Variants in BICRAL observed in about 807,000 individuals in gnomAD.
BICRAL encodes BICRA like chromatin remodeling complex associated protein, also known as BRD4-interacting chromatin-remodeling complex-associated protein-like.
Under a neutral mutation model 91.8 loss-of-function variants are expected in BICRAL, and 8 were observed. The observed-to-expected ratio is 0.09, with a 90% CI of 0.05 to 0.16. The LOEUF (loss-of-function observed/expected upper bound fraction) is 0.16. BICRAL is among the 10% of genes least tolerant of loss of function. BICRAL has a pLI of 1.00. For missense variants in BICRAL, 1,038 were observed against 1,310.9 expected (o/e 0.79, Z 3.21); for synonymous variants, 445 against 491.1 (o/e 0.91, Z 1.24).
intron 1 of BICRAL, among the ~76,000 whole-genome samples, chr6:42,790,031 CTG>C (rs1386609014): frequency 8.8e-6 from 1 of 113,486 alleles, no homozygotes; most frequent in Non-Finnish European, 1.7e-5. Flanking sequence ...GTAGAGGGAT[CTG>C]TGAGAAAAAG....
chr6:42,828,264 G>A (rs1384695681), intron 5 of BICRAL, among the ~76,000 whole-genome samples: 3 of 151,948 alleles, frequency 2.0e-5, no homozygotes, highest in African/African-American at 2.4e-5. Flanking sequence ...AGCTGGGCGC[G>A]GTGGCAGGCG....
upstream of BICRAL, among the ~76,000 whole-genome samples, chr6:42,746,772 C>CA (rs1582793346): frequency 1.3e-5 from 2 of 152,072 alleles, no homozygotes; most frequent in African/African-American, 4.8e-5. Context: ...TGGATCCCCG[C>CA]AGGCAGTTAC....
chr6:42,748,053 C>G (rs1039608958), intron 1 of BICRAL, among the ~76,000 whole-genome samples: 1 of 151,062 alleles, frequency 6.6e-6, no homozygotes, highest in African/African-American at 2.4e-5. Context: ...ATGCGCCCGC[C>G]TCGGCCTCCC....
At chr6:42,758,699 G>A (rs1305496016) in intron 1 of BICRAL, among the ~76,000 whole-genome samples, 1 of 147,290 alleles carries the variant, frequency 6.8e-6, no homozygotes, top group Non-Finnish European at 1.5e-5. Flanking sequence ...CCTTATGATG[G>A]AGTCGGGGGG....
intron 2 of BICRAL, among the ~76,000 whole-genome samples, chr6:42,818,316 T>C (rs1370978569): frequency 6.8e-6 from 1 of 147,032 alleles, no homozygotes; most frequent in Admixed American, 6.7e-5. Flanking sequence ...TGATTGCTCA[T>C]AAACTGATTA....
chr6:42,850,501 C>T (rs1227772632), intron 6 of BICRAL, among the ~76,000 whole-genome samples: 3 of 149,524 alleles, frequency 2.0e-5, no homozygotes, highest in South Asian at 2.1e-4. Context: ...GCCTGGGCAA[C>T]GGAGCACGAC....
intron 6 of BICRAL, among the ~76,000 whole-genome samples, chr6:42,845,176 T>TAG (rs1454508418): frequency 6.9e-6 from 1 of 145,158 alleles, no homozygotes; most frequent in Non-Finnish European, 1.5e-5. Flanking sequence ...CTGCCTTCTC[T>TAG]GTTTTTTGTT....
intron 1 of BICRAL, among the ~76,000 whole-genome samples, chr6:42,787,225 G>T (rs1221546344): frequency 1.3e-5 from 2 of 152,290 alleles, no homozygotes; most frequent in East Asian, 3.9e-4. Context: ...CAGGTTGCAG[G>T]CTCCAGCCTT....
chr6:42,788,883 G>A (rs1763184394), intron 1 of BICRAL, among the ~76,000 whole-genome samples: 1 of 152,052 alleles, frequency 6.6e-6, no homozygotes, highest in South Asian at 2.1e-4. Flanking sequence ...AGCTGAGTTA[G>A]TTGTGTGATT....
chr6:42,803,165 T>C (rs554355181), intron 1 of BICRAL, among the ~76,000 whole-genome samples: 1 of 152,316 alleles, frequency 6.6e-6, no homozygotes, highest in Non-Finnish European at 1.5e-5. Flanking sequence ...GTGCTAAATG[T>C]TTGGAGACTT....
In BICRAL at chr6:42,865,199, A is replaced by G. The variant is rs747534962; in HGVS notation, c.2993A>G (p.Gln998Arg). The change falls in exon 13 of 13, where the codon CAG becomes CGG. Residue 998 changes from glutamine to arginine, a missense_variant. By Grantham distance (43) the Gln-to-Arg change is conservative. This residue lies in a region of BICRAL where 92 missense variants were observed against 147.8 expected (regional missense o/e 0.62). Transcript: ENST00000314073. ...ATCATGAAAGGGTCAGGCGAACCCC[A>G]GCCAGATCTCCAGCTGACAAAGAGC... The part of the protein sequence containing the change: ...TDIMKGSGEP[Q>R]PDLQLTKSLE... 1.4e-5 allele frequency: 22 copies of G among 1,614,216 alleles called. No homozygotes were observed. The highest frequency in any genetic ancestry group is 1.8e-5 in the Non-Finnish European group (21 of 1,180,018).
intron 9 of BICRAL, 101 bp downstream of exon 9, chr6:42,856,018 A>C: frequency 1.0e-6 from 1 of 955,202 alleles, no homozygotes; most frequent in South Asian, 1.4e-5. Context: ...TAATGAGTAT[A>C]TTAGCCTTTT....
At chr6:42,862,741 G>T in intron 12 of BICRAL, 129 bp downstream of exon 12, 1 of 648,394 alleles carries the variant, frequency 1.5e-6, no homozygotes, top group Middle Eastern at 3.0e-4. Context: ...GGGAGAGCTG[G>T]GCACGGTGGC....
intron 6 of BICRAL, among the ~76,000 whole-genome samples, chr6:42,840,144 T>G (rs1764741850): frequency 6.6e-6 from 1 of 152,222 alleles, no homozygotes; most frequent in Non-Finnish European, 1.5e-5. Context: ...CAAGTGATTC[T>G]CCCACCTCAG....
At position 42,865,107 on chromosome 6, in the gene BICRAL, G is replaced by A. The variant is rs1219253771; in HGVS notation, c.2901G>A (p.Thr967=). ...SILADSHLEM[T]CNNSFQDKSL... ...TAGCAGATTCGCACTTGGAGATGACGTGTAACAATTCCTTCCAGGACAAAA... is the reference window on the plus strand; with the variant it reads ...TAGCAGATTCGCACTTGGAGATGACATGTAACAATTCCTTCCAGGACAAAA... Residue 967 remains threonine (T), a synonymous_variant, in exon 13 of 13, where the codon ACG becomes ACA. Transcript: ENST00000314073. 1.2e-6 allele frequency: 2 copies of A among 1,614,118 alleles called. No individual in the cohort carries two copies. Among genetic ancestry groups the A allele is most frequent in the South Asian group, 1.1e-5 (1 of 91,076 alleles).
chr6:42,829,044 A>G lies in BICRAL; in HGVS notation c.711A>G (p.Ile237Met), dbSNP rs1764388651. The G allele has an allele frequency of 6.2e-7, 1 of 1,614,160 alleles. No individual in the cohort carries two copies. Among genetic ancestry groups the G allele is most frequent in the Non-Finnish European group, 8.5e-7 (1 of 1,179,982 alleles). The change falls in exon 6 of 13, where the codon ATA (isoleucine) becomes ATG (methionine). Residue 237 changes from isoleucine to methionine, a missense_variant. Transcript: ENST00000314073. ...ATAACCTAGATGGATCTCAAATCATATTAAAGGGCAGCGGGCAGCAAGCCC... is the reference window on the plus strand; with the variant it reads ...ATAACCTAGATGGATCTCAAATCATGTTAAAGGGCAGCGGGCAGCAAGCCC... ...TINNLDGSQI[I>M]LKGSGQQAPS...
intron 8 of BICRAL, among the ~76,000 whole-genome samples, chr6:42,855,013 A>C (rs532899258): frequency 9.2e-5 from 14 of 152,204 alleles, no homozygotes; most frequent in Non-Finnish European, 1.6e-4. Context: ...TTAGTGGTTG[A>C]ATGAAACTTG....
intron 1 of BICRAL, among the ~76,000 whole-genome samples, chr6:42,787,962 A>G (rs1003147584): frequency 7.3e-5 from 11 of 151,138 alleles, no homozygotes; most frequent in Admixed American, 3.3e-4. Context: ...GGTGCAAATT[A>G]CGGCTTACCA....
chr6:42,855,006 G>A (rs1341427270), intron 8 of BICRAL, among the ~76,000 whole-genome samples: 1 of 152,184 alleles, frequency 6.6e-6, no homozygotes, highest in African/African-American at 2.4e-5. Context: ...CTACCAATTA[G>A]TGGTTGAATG....
Sources: gnomAD v4.1 joint callset for allele counts (sites outside exome capture counted in the v4.1 genomes callset) on GRCh38, gnomAD v4.1.1 for gene constraint, gnomAD v4.1.1 regional missense constraint, MANE v1.5 for transcripts, NCBI Gene and HGNC (gene_info 2026-07-23, HGNC 2026-07-21) for gene names.